The following GPC6 variants were observed in gnomAD, a reference collection of about 807,000 sequenced individuals.
The protein encoded by GPC6 is glypican 6.
In GPC6, 14 loss-of-function variants were observed where a neutral mutation model predicts 55.2. The ratio of observed to expected loss-of-function variants is 0.25; its 90% CI spans 0.17 to 0.40. The LOEUF (loss-of-function observed/expected upper bound fraction) is 0.40, where lower values mean the gene tolerates loss of function less well. Among genes scored for constraint, GPC6 ranks in the 10% least tolerant of loss-of-function variants. The probability of loss-of-function intolerance (pLI) is 1.00; values close to 1 mark genes in which losing one functional copy is unlikely to be tolerated. For synonymous variants in GPC6, 278 were observed against 259.6 expected (o/e 1.07, Z -0.68); for missense variants, 641 against 708.5 (o/e 0.90, Z 1.08).
Position 93,551,275 on chromosome 13 carries a change from T to C in GPC6, c.319+5854T>C, listed in dbSNP as rs138399264. Among the ~76,000 whole-genome samples, 217 of 150,488 alleles carry C rather than the reference T, an allele frequency of 1.4e-3. 2 individuals are homozygous for C. Among genetic ancestry groups the C allele is most frequent in the Non-Finnish European group, 1.8e-4 (12 of 67,722 alleles). ...AGATAGATATTCTATCACAATGTTT[T>C]ATTCCTTGCACCAGCCCTTTACTGT... is the stretch of plus-strand genomic sequence containing the variant. On this transcript the variant is annotated intron_variant, in intron 2 of 8. Coordinates refer to ENST00000377047, the MANE Select transcript of GPC6 (RefSeq NM_005708.5).
chr13:93,248,437 G>GT (rs74531292), intron 1 of GPC6, among the ~76,000 whole-genome samples: 9,540 of 137,038 alleles, frequency 0.07, 333 homozygotes, highest in East Asian at 0.082. Context: ...CACAAAAAGT[G>GT]TTTTTTTTTT....
intron 1 of GPC6, among the ~76,000 whole-genome samples, chr13:93,267,362 A>T (rs978599798): frequency 1.3e-5 from 2 of 151,722 alleles, no homozygotes; most frequent in African/African-American, 4.8e-5. Context: ...GATCTCTTGG[A>T]TCACTCATTC....
chr13:94,344,421 G>A (rs1445193041), intron 6 of GPC6, among the ~76,000 whole-genome samples: 1 of 152,190 alleles, frequency 6.6e-6, no homozygotes, highest in Admixed American at 6.5e-5. Context: ...CAATCTCCAC[G>A]AAGCAGTCTT....
intron 2 of GPC6, among the ~76,000 whole-genome samples, chr13:93,741,303 G>A (rs1224852367): frequency 6.6e-6 from 1 of 151,734 alleles, no homozygotes; most frequent in Non-Finnish European, 1.5e-5. Flanking sequence ...TTTTAGTAGA[G>A]ACGGGGTTTC....
At position 93,897,252 on chromosome 13, in the gene GPC6, A is replaced by G. The variant is rs547798086; in HGVS notation, c.711+66707A>G. 4.9e-4 allele frequency among the ~76,000 whole-genome samples: 74 copies of G among 152,120 alleles called. 2 individuals carry two copies. In the South Asian group the frequency reaches 0.015, roughly 31 times the overall value. ...ATAGAAGAAGGAAGACCTGGTACCC[A>G]ATAGATCAGTAAGGTGGCTATAGTT... On this transcript the variant is annotated intron_variant, in intron 3 of 8. Transcript: ENST00000377047.
At chr13:93,592,127 T>A (rs1877517915) in intron 2 of GPC6, among the ~76,000 whole-genome samples, 1 of 151,930 alleles carries the variant, frequency 6.6e-6, no homozygotes, top group Admixed American at 6.6e-5. Flanking sequence ...TATATTTGAG[T>A]CTTTACCTTA....
At chr13:93,723,246 T>A (rs1010066381) in intron 2 of GPC6, among the ~76,000 whole-genome samples, 4 of 151,964 alleles carry the variant, frequency 2.6e-5, no homozygotes, top group Admixed American at 2.0e-4. Context: ...GAGAACATAT[T>A]TGCAGAAAGC....
At position 94,209,871 on chromosome 13, in the gene GPC6, G is replaced by A. The variant is rs114499270; in HGVS notation, c.878-76478G>A. Among the ~76,000 whole-genome samples the A allele has an allele frequency of 3.7e-3, 560 of 151,736 alleles. 3 individuals carry two copies. Among genetic ancestry groups the A allele is most frequent in the African/African-American group, 0.013 (517 of 41,336 alleles). ...TTAATTTATTTATTTACTGAGAAGGGGTCCTGCTCTGTCAACCAGGCTGGA... is the reference window on the plus strand; with the variant it reads ...TTAATTTATTTATTTACTGAGAAGGAGTCCTGCTCTGTCAACCAGGCTGGA... On this transcript the variant is annotated intron_variant, in intron 4 of 8. Transcript: ENST00000377047.
intron 2 of GPC6, among the ~76,000 whole-genome samples, chr13:93,673,427 C>T (rs974921925): frequency 6.6e-6 from 1 of 152,022 alleles, no homozygotes; most frequent in African/African-American, 2.4e-5. Flanking sequence ...GTGGGAGGAT[C>T]GCTGGAGACT....
chr13:93,974,235 C>T (rs1159943495), intron 3 of GPC6, among the ~76,000 whole-genome samples: 1 of 152,062 alleles, frequency 6.6e-6, no homozygotes, highest in Non-Finnish European at 1.5e-5. Context: ...ATTTTTGGTC[C>T]GTAGGCATTG....
intron 4 of GPC6, among the ~76,000 whole-genome samples, chr13:94,179,983 G>A (rs770608146): frequency 4.6e-5 from 7 of 152,160 alleles, no homozygotes; most frequent in Non-Finnish European, 8.8e-5. Flanking sequence ...CTAATAGGAA[G>A]GCATGTAAAC....
intron 4 of GPC6, among the ~76,000 whole-genome samples, chr13:94,214,929 TAAAGAA>T (rs1425325133): frequency 6.6e-6 from 1 of 152,228 alleles, no homozygotes; most frequent in African/African-American, 2.4e-5. Context: ...ACATTTCACT[TAAAGAA>T]AAAGGAGGAA....
chr13:93,344,136 T>G (rs965429172), intron 1 of GPC6, among the ~76,000 whole-genome samples: 1 of 152,166 alleles, frequency 6.6e-6, no homozygotes, highest in African/African-American at 2.4e-5. Context: ...CTCCTCCACT[T>G]CCTACTTCCC....
chr13:93,535,449 C>T (rs983984487), intron 1 of GPC6, among the ~76,000 whole-genome samples: 3 of 152,136 alleles, frequency 2.0e-5, no homozygotes, highest in African/African-American at 4.8e-5. Flanking sequence ...CTGCTGGTCA[C>T]ATGGTCTCTG....
At chr13:93,697,838 T>C (rs917316584) in intron 2 of GPC6, among the ~76,000 whole-genome samples, 3 of 152,154 alleles carry the variant, frequency 2.0e-5, no homozygotes, top group Non-Finnish European at 2.9e-5. Flanking sequence ...AACTATCCCT[T>C]TTCTTATAAT....
At chr13:94,018,473 T>G (rs12868786) in intron 3 of GPC6, among the ~76,000 whole-genome samples, 21,033 of 151,964 alleles carry the variant, frequency 0.14, 1,920 homozygotes, top group Non-Finnish European at 0.21. Flanking sequence ...TTGTTTTTAG[T>G]AGAGATGGGG....
At chr13:94,087,288 A>C (rs1885321043) in intron 4 of GPC6, among the ~76,000 whole-genome samples, 1 of 152,214 alleles carries the variant, frequency 6.6e-6, no homozygotes, top group Admixed American at 6.5e-5. Flanking sequence ...ATCAAAGCTT[A>C]TGTGAGCTGG....
At chr13:93,322,642 GT>G (rs1208268957) in intron 1 of GPC6, among the ~76,000 whole-genome samples, 3 of 151,782 alleles carry the variant, frequency 2.0e-5, no homozygotes, top group African/African-American at 7.2e-5. Flanking sequence ...GTTTCACCAT[GT>G]TGGCCAGGCT....
intron 5 of GPC6, among the ~76,000 whole-genome samples, chr13:94,289,581 C>T (rs1302975199): frequency 6.6e-6 from 1 of 152,192 alleles, no homozygotes; most frequent in Non-Finnish European, 1.5e-5. Flanking sequence ...CCATACAAAT[C>T]CATGGAATTT....
Sources: gnomAD v4.1 joint callset for allele counts (sites outside exome capture counted in the v4.1 genomes callset) on GRCh38, gnomAD v4.1.1 for gene constraint, MANE v1.5 for transcripts, NCBI Gene and HGNC (gene_info 2026-07-23, HGNC 2026-07-21) for gene names.